Variants in SMARCAL1 observed in about 807,000 individuals in gnomAD.
SMARCAL1 encodes the protein ATP-driven annealing helicase.
A neutral mutation model predicts 94.5 loss-of-function variants in SMARCAL1; 58 were observed. The ratio of observed to expected loss-of-function variants is 0.61; its 90% CI spans 0.50 to 0.76. The LOEUF is 0.76. SMARCAL1 is among the 30% of genes least tolerant of loss of function. The probability of loss-of-function intolerance (pLI) is 0.00; values close to 1 mark genes in which losing one functional copy is unlikely to be tolerated. For synonymous variants in SMARCAL1, 422 were observed against 455.1 expected (o/e 0.93, Z 0.93); for missense variants, 1,051 against 1,177.9 (o/e 0.89, Z 1.58).
chr2:216,456,492 A>G (rs1171756711), intron 12 of SMARCAL1, among the ~76,000 whole-genome samples: 1 of 152,232 alleles, frequency 6.6e-6, no homozygotes, highest in Non-Finnish European at 1.5e-5. Context: ...CTAACAGTTG[A>G]TCTCTCGGCA....
chr2:216,456,369 G>C (rs1461031373), intron 12 of SMARCAL1, among the ~76,000 whole-genome samples: 1 of 152,138 alleles, frequency 6.6e-6, no homozygotes, highest in African/African-American at 2.4e-5. Context: ...TCCTTGAGAA[G>C]AGCAACTCCA....
chr2:216,464,160 C>G (rs1327729929), intron 12 of SMARCAL1, among the ~76,000 whole-genome samples: 1 of 152,178 alleles, frequency 6.6e-6, no homozygotes, highest in Admixed American at 6.5e-5. Context: ...GGTATAGTCA[C>G]AGCTTGGCAG....
chr2:216,458,477 A>C (rs1694621970), intron 12 of SMARCAL1, among the ~76,000 whole-genome samples: 1 of 152,250 alleles, frequency 6.6e-6, no homozygotes, highest in Non-Finnish European at 1.5e-5. Context: ...CAAAAAGCTT[A>C]TCCACCATAA....
At chr2:216,431,951 A>T (rs1302174079) in intron 7 of SMARCAL1, among the ~76,000 whole-genome samples, 4 of 152,154 alleles carry the variant, frequency 2.6e-5, no homozygotes, top group Non-Finnish European at 4.4e-5. Context: ...GCCTTTATGC[A>T]TACTGAGTAC....
chr2:216,414,635 T>G lies in SMARCAL1; in HGVS notation c.-58-12T>G. 2 of 1,325,792 alleles carry G rather than the reference T, an allele frequency of 1.5e-6. No individual in the cohort carries two copies. The highest frequency in any genetic ancestry group is 2.2e-6 in the Non-Finnish European group (2 of 919,192). The allele number at this position is 1,325,792 out of a possible 1,614,324, so 82.1% of individuals were successfully genotyped here. On this transcript the variant is annotated splice_polypyrimidine_tract_variant and intron_variant, in intron 2 of 17. Transcript: ENST00000357276. ...GTAATGTTCATTTCATTCTTCTTACTTTCTTCCACAGCTTTTGCCAACTTT... is the reference window on the plus strand; with the variant it reads ...GTAATGTTCATTTCATTCTTCTTACGTTCTTCCACAGCTTTTGCCAACTTT...
intron 7 of SMARCAL1, among the ~76,000 whole-genome samples, chr2:216,431,563 C>T (rs1262825082): frequency 1.3e-5 from 2 of 152,188 alleles, no homozygotes; most frequent in African/African-American, 4.8e-5. Flanking sequence ...ATGTTGCCAA[C>T]CACTGTTTTC....
At chr2:216,476,801 C>T (rs1428610699) in intron 15 of SMARCAL1, among the ~76,000 whole-genome samples, 1 of 152,198 alleles carries the variant, frequency 6.6e-6, no homozygotes, top group Non-Finnish European at 1.5e-5. Flanking sequence ...GATGGCAGAG[C>T]CTGTGCCTCT....
chr2:216,481,515 T>A (rs1000761797), intron 17 of SMARCAL1, among the ~76,000 whole-genome samples: 2 of 147,410 alleles, frequency 1.4e-5, no homozygotes, highest in African/African-American at 2.5e-5. Context: ...GTATTTATTT[T>A]TTTTTTGAGA....
rs376035215 is a variant in SMARCAL1, at chr2:216,450,990, C to T, written c.1996C>T (p.Pro666Ser). 4.8e-5 allele frequency: 77 copies of T among 1,614,056 alleles called. No individual in the cohort carries two copies. Among genetic ancestry groups the T allele is most frequent in the Non-Finnish European group, 6.4e-5 (75 of 1,180,040 alleles). Reference protein sequence around the residue: ...AKQRKIVVIAPGRINARTRAA... With the variant: ...AKQRKIVVIASGRINARTRAA... ...GCAGCGCAAGATAGTGGTGATTGCC[C>T]CAGGACGGATCAATGCCAGGACCAG... is the stretch of plus-strand genomic sequence containing the variant. The change falls in exon 12 of 18, where the codon CCA becomes TCA. Residue 666 changes from proline to serine, a missense_variant. Physicochemically the swap from Pro to Ser is moderately conservative, Grantham distance 74 (BLOSUM62 -1). Transcript: ENST00000357276.
Position 216,466,972 on chromosome 2 carries a change from C to T in SMARCAL1, c.2142-972C>T, listed in dbSNP as rs1694841935. On this transcript the variant is annotated intron_variant, in intron 13 of 17. Transcript: ENST00000357276. The stretch of plus-strand genomic sequence containing the variant: ...TTCTTTAAGGAAGGCAGAGTCTGTT[C>T]CCTGTCCAGACGCACCCATGGCTGG... Among the ~76,000 whole-genome samples the T allele has an allele frequency of 2.0e-5, 3 of 152,166 alleles. No individual in the cohort carries two copies. In the South Asian group the frequency reaches 6.2e-4, roughly 32 times the overall value.
rs1179487623 is a variant in SMARCAL1 at position 216,435,467 on chromosome 2, C to T, written c.1615C>T (p.Leu539=). Residue 539 remains leucine (L), a synonymous_variant, in exon 9 of 18, where the codon CTA becomes TTA. Transcript: ENST00000357276. ...FDLLSKLEKQ[L]KTPFKVVIID... Reference sequence around the variant, plus strand: ...CCTTCTTAGCAAGTTGGAAAAACAGCTAAAAACCCCTTTTAAAGTTGTCAT... The same window carrying T: ...CCTTCTTAGCAAGTTGGAAAAACAGTTAAAAACCCCTTTTAAAGTTGTCAT... 1.2e-5 allele frequency: 19 copies of T among 1,614,124 alleles called. No individual in the cohort carries two copies. The highest frequency in any genetic ancestry group is 1.6e-5 in the Non-Finnish European group (19 of 1,179,994).
chr2:216,455,408 TG>T (rs1317421753), intron 12 of SMARCAL1, among the ~76,000 whole-genome samples: 4 of 152,236 alleles, frequency 2.6e-5, no homozygotes, highest in Non-Finnish European at 5.9e-5. Context: ...CCTCCTCAAG[TG>T]GGTCCCTGAC....
intron 17 of SMARCAL1, among the ~76,000 whole-genome samples, chr2:216,480,282 C>T (rs1357133765): frequency 6.6e-6 from 1 of 152,050 alleles, no homozygotes; most frequent in African/African-American, 2.4e-5. Context: ...AATGTTGCTT[C>T]CAATATAGGA....
chr2:216,420,649 T>G, intron 5 of SMARCAL1, 117 bp downstream of exon 5: 1 of 780,428 alleles, frequency 1.3e-6, no homozygotes, highest in Non-Finnish European at 2.2e-6. Flanking sequence ...AGACTTCCTG[T>G]TCTGCTCCTC....
intron 9 of SMARCAL1, among the ~76,000 whole-genome samples, chr2:216,437,783 A>T (rs1256728727): frequency 1.3e-5 from 2 of 151,776 alleles, no homozygotes; most frequent in East Asian, 2.0e-4. Context: ...AAGAAAAACA[A>T]ACTATATATA....
intron 12 of SMARCAL1, 56 bp from the exon 13 acceptor site, chr2:216,464,541 T>C: frequency 7.9e-7 from 1 of 1,258,982 alleles, no homozygotes; most frequent in Non-Finnish European, 1.2e-6. Flanking sequence ...TTAGATCCAC[T>C]CATCCCAGAG....
intron 2 of SMARCAL1, chr2:216,414,264 T>C (rs1378464771): frequency 5.9e-6 from 1 of 168,782 alleles, no homozygotes; most frequent in Non-Finnish European, 1.3e-5. Flanking sequence ...TTCAAGCAAT[T>C]CTCCTGCCTC....
At chr2:216,415,878 AGGC>A in intron 3 of SMARCAL1, 2 of 391,496 alleles carry the variant, frequency 5.1e-6, no homozygotes, top group South Asian at 2.5e-5. Context: ...ATTAAGTGAC[AGGC>A]CCAGTTTCAT....
chr2:216,415,499 G>A lies in SMARCAL1; in HGVS notation c.795G>A (p.Leu265=), dbSNP rs777517935. ...AACTCATTGCAGTGTTTAAGACCCTGCCCAGCAAGAATTATGGTAATGTCT... is the reference window on the plus strand; with the variant it reads ...AACTCATTGCAGTGTTTAAGACCCTACCCAGCAAGAATTATGGTAATGTCT... The part of the protein sequence containing the change: ...NAELIAVFKT[L]PSKNYDPDTK... The change falls in exon 3 of 18, where the codon CTG becomes CTA. Residue 265 remains leucine (L), a synonymous_variant. Coordinates refer to ENST00000357276, the MANE Select transcript of SMARCAL1 (RefSeq NM_014140.4). 1.2e-6 allele frequency: 2 copies of A among 1,612,714 alleles called. No individual in the cohort carries two copies. The highest frequency in any genetic ancestry group is 1.7e-6 in the Non-Finnish European group (2 of 1,179,396).
Sources: allele counts gnomAD v4.1 joint callset (sites outside exome capture counted in the v4.1 genomes callset), GRCh38; gene constraint gnomAD v4.1.1; transcripts MANE v1.5; gene names NCBI Gene and HGNC (gene_info 2026-07-23, HGNC 2026-07-21).